The following PRRX1 variants were observed in gnomAD, a reference collection of about 807,000 sequenced individuals.
PRRX1 encodes the protein paired related homeobox 1.
In PRRX1, 8 loss-of-function variants were observed where a neutral mutation model predicts 24.0. The ratio of observed to expected loss-of-function variants is 0.33; its 90% CI spans 0.20 to 0.60. The LOEUF (loss-of-function observed/expected upper bound fraction) is 0.60, where lower values mean the gene tolerates loss of function less well. Ranked by LOEUF, PRRX1 falls within the 20% of genes least tolerant of loss-of-function variation. The pLI is 0.82. For missense variants in PRRX1, 281 were observed against 322.4 expected, an observed-to-expected ratio of 0.87 and a Z score of 0.98; for synonymous variants, 160 against 131.7, an observed-to-expected ratio of 1.22 and a Z score of -1.47.
At chr1:170,721,023 G>A (rs949208832) in intron 2 of PRRX1, among the ~76,000 whole-genome samples, 21 of 152,210 alleles carry the variant, frequency 1.4e-4, no homozygotes, top group African/African-American at 5.1e-4. Flanking sequence ...GAGACACAGA[G>A]AGGTCAAAGT....
intron 1 of PRRX1, among the ~76,000 whole-genome samples, chr1:170,691,898 G>A (rs140561239): frequency 3.9e-5 from 6 of 152,054 alleles, no homozygotes; most frequent in Admixed American, 1.3e-4. Flanking sequence ...CTGTTAGGGT[G>A]AGGGGAAGCA....
intron 1 of PRRX1, among the ~76,000 whole-genome samples, chr1:170,687,730 A>T (rs577269009): frequency 7.0e-4 from 106 of 152,328 alleles, no homozygotes; most frequent in African/African-American, 2.5e-3. Flanking sequence ...ACAATTGAAC[A>T]GACATTGTGG....
At position 170,737,743 on chromosome 1, in the gene PRRX1, G is replaced by C. The variant is rs1655668768; in HGVS notation, c.*1557G>C. ...CTTTTGTAACTTGCCAGGTGGACTTGACCAACTACATTACCATGCTGTGCC... is the reference window on the plus strand; with the variant it reads ...CTTTTGTAACTTGCCAGGTGGACTTCACCAACTACATTACCATGCTGTGCC... On this transcript the variant is annotated 3_prime_UTR_variant, in exon 4 of 4. Coordinates refer to ENST00000239461, the MANE Select transcript of PRRX1 (RefSeq NM_022716.4). The C allele has an allele frequency of 4.5e-6, 1 of 221,528 alleles. No individual in the cohort carries two copies. The highest frequency in any genetic ancestry group is 2.2e-5 in the African/African-American group (1 of 44,624). 13.7% of individuals were successfully genotyped at this position (221,528 alleles called of 1,614,324 possible).
intron 1 of PRRX1, among the ~76,000 whole-genome samples, chr1:170,666,386 CCA>C (rs1652930447): frequency 7.6e-6 from 1 of 131,298 alleles, no homozygotes; most frequent in South Asian, 2.5e-4. Flanking sequence ...CCACTGCACT[CCA>C]GTCTGGATGA....
upstream of PRRX1, chr1:170,663,420 G>C (rs1558039489): frequency 2.3e-5 from 1 of 44,040 alleles, no homozygotes; most frequent in Non-Finnish European, 4.2e-5. Flanking sequence ...GCAAGAAGAG[G>C]GGGAGAGAGA....
rs1202114580 is a variant in PRRX1, at chr1:170,737,468, G to A, written c.*1282G>A. ...GCTCTGGTGAAATGCTGATACATCT[G>A]ATCTATCATGGGAATTGCAGTTAGA... On this transcript the variant is annotated 3_prime_UTR_variant, in exon 4 of 4. Coordinates refer to ENST00000239461, the MANE Select transcript of PRRX1 (RefSeq NM_022716.4). The A allele has an allele frequency of 5.0e-6, 1 of 201,392 alleles. No homozygotes were observed. Among genetic ancestry groups the A allele is most frequent in the African/African-American group, 2.3e-5 (1 of 43,540 alleles). The allele number at this position is 201,392 out of a possible 1,614,324, so 12.5% of individuals were successfully genotyped here. A position where few individuals can be genotyped will look rare whatever the true frequency, so the allele number is the denominator to read the frequency against.
chr1:170,694,824 A>G (rs1231115184), intron 1 of PRRX1, among the ~76,000 whole-genome samples: 1 of 152,152 alleles, frequency 6.6e-6, no homozygotes, highest in Non-Finnish European at 1.5e-5. Flanking sequence ...AAGTGGCCTT[A>G]TAGATAAAAA....
At chr1:170,710,838 C>T (rs1203758058) in intron 1 of PRRX1, among the ~76,000 whole-genome samples, 1 of 152,170 alleles carries the variant, frequency 6.6e-6, no homozygotes, top group African/African-American at 2.4e-5. Context: ...CAACAGGAAC[C>T]CATATAGGCC....
intron 1 of PRRX1, among the ~76,000 whole-genome samples, chr1:170,686,991 G>C (rs1653765112): frequency 1.3e-5 from 2 of 152,030 alleles, no homozygotes; most frequent in Non-Finnish European, 2.9e-5. Flanking sequence ...CGTCATTCAA[G>C]TTTTCTTACT....
intron 1 of PRRX1, among the ~76,000 whole-genome samples, chr1:170,699,812 T>C (rs1654295818): frequency 1.3e-5 from 2 of 152,084 alleles, no homozygotes; most frequent in African/African-American, 4.8e-5. Flanking sequence ...CTAGGCTCAC[T>C]GCAACCTCCC....
At chr1:170,715,349 A>T (rs76662848) in intron 1 of PRRX1, among the ~76,000 whole-genome samples, 4,734 of 152,278 alleles carry the variant, frequency 0.031, 123 homozygotes, top group Non-Finnish European at 0.042. Flanking sequence ...CTGTAATGTA[A>T]TATGTCAAGG....
At chr1:170,699,652 T>C (rs1349614637) in intron 1 of PRRX1, among the ~76,000 whole-genome samples, 1 of 152,170 alleles carries the variant, frequency 6.6e-6, no homozygotes, top group Non-Finnish European at 1.5e-5. Context: ...ATTGGCTTGC[T>C]TGGATGTAAA....
chr1:170,713,550 C>G (rs1405987742), intron 1 of PRRX1, among the ~76,000 whole-genome samples: 1 of 152,132 alleles, frequency 6.6e-6, no homozygotes, highest in East Asian at 1.9e-4. Context: ...ACCTCACATT[C>G]TTGAGTGTTT....
At chr1:170,710,191 T>G (rs1654700320) in intron 1 of PRRX1, among the ~76,000 whole-genome samples, 2 of 152,016 alleles carry the variant, frequency 1.3e-5, no homozygotes, top group Admixed American at 1.3e-4. Context: ...CTCAAAAAAG[T>G]AAAAAAACAC....
intron 3 of PRRX1, chr1:170,730,329 T>C: frequency 6.2e-7 from 1 of 1,611,498 alleles, no homozygotes. Context: ...TAACGGATTC[T>C]AACGGAAGAC....
At chr1:170,716,846 C>T (rs1440628960) in intron 1 of PRRX1, among the ~76,000 whole-genome samples, 1 of 152,210 alleles carries the variant, frequency 6.6e-6, no homozygotes, top group Non-Finnish European at 1.5e-5. Context: ...GTGTTTATCA[C>T]AGGTCCTTCA....
At chr1:170,681,084 G>C (rs950263423) in intron 1 of PRRX1, among the ~76,000 whole-genome samples, 1 of 152,174 alleles carries the variant, frequency 6.6e-6, no homozygotes, top group African/African-American at 2.4e-5. Flanking sequence ...TGGAAGAAGG[G>C]AACTAAAGGG....
At chr1:170,671,003 T>C (rs1031416273) in intron 1 of PRRX1, among the ~76,000 whole-genome samples, 32 of 152,314 alleles carry the variant, frequency 2.1e-4, no homozygotes, top group African/African-American at 7.2e-4. Flanking sequence ...TCCCGAGAAC[T>C]TTGGGGCTTA....
intron 3 of PRRX1, 68 bp downstream of exon 3, chr1:170,726,469 G>C (rs1655259823): frequency 6.5e-7 from 1 of 1,545,732 alleles, no homozygotes; most frequent in Admixed American, 1.7e-5. Flanking sequence ...CATGTTTCAA[G>C]CTGCTTGTGC....
Sources: gnomAD v4.1 joint callset for allele counts (sites outside exome capture counted in the v4.1 genomes callset) on GRCh38, gnomAD v4.1.1 for gene constraint, MANE v1.5 for transcripts, NCBI Gene and HGNC (gene_info 2026-07-23, HGNC 2026-07-21) for gene names.